GPHN: variants seen among roughly 807,000 people sequenced by gnomAD.
GPHN encodes gephyrin.
In GPHN, 17 loss-of-function variants were observed where a neutral mutation model predicts 95.5. The ratio of observed to expected loss-of-function variants is 0.18; its 90% CI spans 0.12 to 0.27. The LOEUF is 0.27. Among genes scored for constraint, GPHN ranks in the 10% least tolerant of loss-of-function variants. GPHN has a pLI of 1.00. For missense variants in GPHN, 660 were observed against 978.1 expected (o/e 0.67, Z 4.34); for synonymous variants, 320 against 322.5 (o/e 0.99, Z 0.08).
chr14:67,414,554 C>G, the GPHN span, among the ~76,000 whole-genome samples: 1 of 152,192 alleles, frequency 6.6e-6, no homozygotes, highest in African/African-American at 2.4e-5. Flanking sequence ...GGAAGGGTCC[C>G]TGGCCCTCTC....
At chr14:66,928,131 A>G (rs538215739) in intron 8 of GPHN, among the ~76,000 whole-genome samples, 17 of 152,182 alleles carry the variant, frequency 1.1e-4, no homozygotes, top group Admixed American at 4.6e-4. Context: ...TTCTTTAAAT[A>G]TTTTGTAGAC....
chr14:67,577,924 C>T, the GPHN span: 2 of 1,120,346 alleles, frequency 1.8e-6, no homozygotes, highest in Non-Finnish European at 2.6e-6. Context: ...TGTCAGTAAA[C>T]TCTAACCTCC....
chr14:67,524,768 G>A, the GPHN span, among the ~76,000 whole-genome samples: 1 of 152,160 alleles, frequency 6.6e-6, no homozygotes, highest in Admixed American at 6.5e-5. Context: ...TGTGGTCACA[G>A]TGTAATTGCT....
chr14:66,913,707 T>C (rs1055219226), intron 5 of GPHN, among the ~76,000 whole-genome samples: 2 of 152,202 alleles, frequency 1.3e-5, no homozygotes, highest in African/African-American at 4.8e-5. Context: ...TTGTAGTTGT[T>C]TATATGCTTT....
At chr14:66,628,492 A>G (rs970018858) in intron 1 of GPHN, among the ~76,000 whole-genome samples, 4 of 152,144 alleles carry the variant, frequency 2.6e-5, no homozygotes, top group African/African-American at 9.7e-5. Flanking sequence ...ATAAAAGATA[A>G]AAAGTGATAT....
the GPHN span, among the ~76,000 whole-genome samples, chr14:67,247,131 C>CTGAAGATAAT: frequency 1.3e-5 from 2 of 152,150 alleles, no homozygotes; most frequent in African/African-American, 4.8e-5. Context: ...AGAGATCAAC[C>CTGAAGATAAT]TGAAGATAAT....
chr14:67,197,386 C>T, the GPHN span: 1 of 152,148 alleles, frequency 6.6e-6, no homozygotes, highest in South Asian at 2.1e-4. Flanking sequence ...TACAGATAAA[C>T]CATGTGGGCT....
At chr14:67,360,022 CAA>C in the GPHN span, 1 of 524,624 alleles carries the variant, frequency 1.9e-6, no homozygotes, top group African/African-American at 1.9e-5. Context: ...CGCGCCAGGC[CAA>C]AGACTAGGAG....
chr14:66,938,023 G>A lies in GPHN; in HGVS notation c.828+13731G>A, dbSNP rs575656235. Reference sequence around the variant, plus strand: ...GGTACTAGGTTGGTTTCTCTGGGAGGGCATTGTCACCATTGGCTTCAGGAG... The same window carrying A: ...GGTACTAGGTTGGTTTCTCTGGGAGAGCATTGTCACCATTGGCTTCAGGAG... On this transcript the variant is annotated intron_variant, in intron 8 of 22. Coordinates refer to ENST00000478722, the MANE Select transcript of GPHN (RefSeq NM_020806.5). 8.7e-4 allele frequency among the ~76,000 whole-genome samples: 133 copies of A among 152,166 alleles called. 1 individual carries two copies. Among genetic ancestry groups the A allele is most frequent in the Non-Finnish European group, 1.8e-3 (121 of 68,010 alleles).
intron 2 of GPHN, among the ~76,000 whole-genome samples, chr14:66,732,473 T>A (rs565835326): frequency 1.0e-3 from 155 of 152,350 alleles, no homozygotes; most frequent in African/African-American, 3.6e-3. Flanking sequence ...TTAGAATCGG[T>A]GTAGTTACCA....
At chr14:67,447,914 ACT>A in the GPHN span, 8 of 151,668 alleles carry the variant, frequency 5.3e-5, no homozygotes, top group African/African-American at 1.9e-4. Flanking sequence ...CATTCCTTCC[ACT>A]CTCTACCTTG....
intron 1 of GPHN, among the ~76,000 whole-genome samples, chr14:66,634,202 T>G (rs2063980784): frequency 6.6e-6 from 1 of 152,146 alleles, no homozygotes; most frequent in South Asian, 2.1e-4. Flanking sequence ...TCCCTTACAT[T>G]GATATTTGCA....
the GPHN span, among the ~76,000 whole-genome samples, chr14:67,543,539 G>A: frequency 2.8e-4 from 43 of 152,200 alleles, no homozygotes; most frequent in Non-Finnish European, 5.4e-4. Flanking sequence ...ATATTCCTGG[G>A]TTCTACCCCA....
At position 67,176,027 on chromosome 14, in the gene GPHN, G is replaced by C. The variant is rs191357058; in HGVS notation, c.2080-3551G>C. 3.3e-5 allele frequency among the ~76,000 whole-genome samples: 5 copies of C among 152,316 alleles called. 1 individual carries two copies. In the East Asian group the frequency reaches 9.6e-4, roughly 29 times the overall value. On this transcript the variant is annotated intron_variant, in intron 21 of 22. Transcript: ENST00000478722. ...TACAATCATGTCATCTTCAAACAGA[G>C]ACAATTTGACTTCCTCTTTTCCTAT...
At chr14:67,256,557 T>C in the GPHN span, among the ~76,000 whole-genome samples, 1 of 152,230 alleles carries the variant, frequency 6.6e-6, no homozygotes, top group Non-Finnish European at 1.5e-5. Context: ...TTTTTTCTTT[T>C]TGTTTTTTGA....
intron 1 of GPHN, among the ~76,000 whole-genome samples, chr14:66,664,402 A>G (rs2065831739): frequency 2.6e-5 from 4 of 152,220 alleles, no homozygotes; most frequent in Admixed American, 2.6e-4. Flanking sequence ...AAATAATGAA[A>G]TTAAGATGGA....
the GPHN span, among the ~76,000 whole-genome samples, chr14:67,367,881 G>A: frequency 6.6e-6 from 1 of 151,958 alleles, no homozygotes; most frequent in African/African-American, 2.4e-5. Context: ...AAGCTGAAGA[G>A]ATGTGATGAC....
At chr14:67,381,220 C>G in the GPHN span, among the ~76,000 whole-genome samples, 1 of 152,252 alleles carries the variant, frequency 6.6e-6, no homozygotes, top group Admixed American at 6.5e-5. Flanking sequence ...AAACCCGTCC[C>G]CTCCTGATGA....
chr14:67,623,063 CT>C, the GPHN span, among the ~76,000 whole-genome samples: 1 of 152,122 alleles, frequency 6.6e-6, no homozygotes, highest in Non-Finnish European at 1.5e-5. Context: ...TTCCCTTTGA[CT>C]TTTTTTCTCA....
Sources: allele counts gnomAD v4.1 joint callset (sites outside exome capture counted in the v4.1 genomes callset), GRCh38; gene constraint gnomAD v4.1.1; transcripts MANE v1.5; gene names NCBI Gene and HGNC (gene_info 2026-07-23, HGNC 2026-07-21).